ARHGEF3: variants seen among roughly 807,000 people sequenced by gnomAD.
ARHGEF3 encodes Rho guanine nucleotide exchange factor 3.
A neutral mutation model predicts 63.2 loss-of-function variants in ARHGEF3; 28 were observed. The observed-to-expected ratio is 0.44, with a 90% CI of 0.33 to 0.61. ARHGEF3 has a LOEUF of 0.61. ARHGEF3 is among the 20% of genes least tolerant of loss of function. The pLI, the probability that ARHGEF3 is intolerant of heterozygous loss-of-function variation, is 0.03. For missense variants in ARHGEF3, 533 were observed against 659.3 expected (o/e 0.81, Z 2.10); for synonymous variants, 266 against 254.2 (o/e 1.05, Z -0.44).
chr3:57,020,656 C>T lies in ARHGEF3; in HGVS notation c.62+14432G>A, dbSNP rs927416643. 7.9e-5 allele frequency among the ~76,000 whole-genome samples: 12 copies of T among 152,290 alleles called. No homozygotes were observed. In the South Asian group the frequency reaches 8.3e-4, roughly 11 times the overall value. On this transcript the variant is annotated intron_variant, in intron 2 of 12. Transcript: ENST00000338458. ...AGTTGGTGGTATCACAGGGAGGAAA[C>T]GTTCCTGAGAATGATTTCAACACAG...
intron 1 of ARHGEF3, among the ~76,000 whole-genome samples, chr3:56,777,016 TTTTG>T (rs1209149124): frequency 6.6e-6 from 1 of 152,240 alleles, no homozygotes; most frequent in Non-Finnish European, 1.5e-5. Flanking sequence ...CTTATAACAT[TTTTG>T]TTTCTCTTGT....
chr3:56,971,299 C>G (rs1037166613), intron 2 of ARHGEF3, among the ~76,000 whole-genome samples: 1 of 152,086 alleles, frequency 6.6e-6, no homozygotes, highest in Non-Finnish European at 1.5e-5. Context: ...GCAGGGACCC[C>G]GAAGCAAGCC....
chr3:57,038,750 C>T (rs1704060893), intron 1 of ARHGEF3, among the ~76,000 whole-genome samples: 1 of 152,166 alleles, frequency 6.6e-6, no homozygotes, highest in South Asian at 2.1e-4. Flanking sequence ...AGACCTATAC[C>T]ATTGTTGGTA....
chr3:56,882,306 T>C lies in ARHGEF3; in HGVS notation c.178A>G (p.Ser60Gly), dbSNP rs1462572382. ...ACTATACTTACACTTATGTCGAGAC[T>C]GCAAAGGCTAACAGCATCTTCATCT... Residue 60 changes from serine to glycine, a missense_variant, in exon 4 of 13, where the codon AGT (serine) becomes GGT (glycine). By Grantham distance (56) the Ser-to-Gly change is moderately conservative. Transcript: ENST00000338458. 2.6e-6 allele frequency: 4 copies of C among 1,551,776 alleles called. No homozygotes were observed. The African/African-American group carries it at 5.5e-5, about 21-fold the overall frequency.
intron 1 of ARHGEF3, among the ~76,000 whole-genome samples, chr3:57,077,681 C>T (rs998838620): frequency 2.6e-5 from 4 of 152,156 alleles, no homozygotes. Flanking sequence ...GTCAGACTGT[C>T]AGGAGACCCA....
At chr3:56,937,915 A>C (rs1434966314) in intron 3 of ARHGEF3, among the ~76,000 whole-genome samples, 1 of 152,128 alleles carries the variant, frequency 6.6e-6, no homozygotes, top group East Asian at 1.9e-4. Flanking sequence ...CTTAACACAA[A>C]TTTTCATCTG....
At position 56,891,368 on chromosome 3, in the gene ARHGEF3, T is replaced by C. The variant is rs80188863; in HGVS notation, c.130-9014A>G. 3.3e-3 allele frequency among the ~76,000 whole-genome samples: 503 copies of C among 151,768 alleles called. 3 individuals carry two copies. The highest frequency in any genetic ancestry group is 0.011 in the African/African-American group (465 of 41,342). On this transcript the variant is annotated intron_variant, in intron 3 of 12. Coordinates refer to the ARHGEF3 transcript ENST00000338458. ...TTTTTTTTTTTTTTCCTTTTCCTTA[T>C]TTTTAAAACATCCTCCTTTTTCTAG...
intron 8 of ARHGEF3, 46 bp downstream of exon 8, chr3:56,737,139 G>A: frequency 6.5e-7 from 1 of 1,530,282 alleles, no homozygotes; most frequent in East Asian, 2.3e-5. Flanking sequence ...AATGAATTAG[G>A]GATACGGGAG....
intron 3 of ARHGEF3, among the ~76,000 whole-genome samples, chr3:56,896,623 G>A (rs887513415): frequency 6.6e-6 from 1 of 152,098 alleles, no homozygotes; most frequent in South Asian, 2.1e-4. Context: ...AGTTCCCCAG[G>A]CTTTCTTTGT....
chr3:57,015,600 ATTTT>A (rs11290143), intron 2 of ARHGEF3, among the ~76,000 whole-genome samples: 2 of 129,246 alleles, frequency 1.5e-5, no homozygotes, highest in African/African-American at 2.9e-5. Context: ...CGCCCTGCTA[ATTTT>A]TTTTTTTTTT....
chr3:56,821,786 A>AGAC (rs2038502956), intron 4 of ARHGEF3, among the ~76,000 whole-genome samples: 1 of 152,152 alleles, frequency 6.6e-6, no homozygotes, highest in Non-Finnish European at 1.5e-5. Flanking sequence ...CAACATTGTG[A>AGAC]AACCTTGTCT....
Position 56,801,871 on chromosome 3 carries a change from G to T in ARHGEF3, c.-73C>A, listed in dbSNP as rs1346229900. The T allele has an allele frequency of 1.9e-6, 3 of 1,550,776 alleles. No individual in the cohort carries two copies. The South Asian group carries it at 3.6e-5, about 18-fold the overall frequency. Reference sequence around the variant, plus strand: ...GACTACAAAACTCCCAGGCAAAAGGGGGCCCCAGCTCCACGATGCCGGGCG... The same window carrying T: ...GACTACAAAACTCCCAGGCAAAAGGTGGCCCCAGCTCCACGATGCCGGGCG... On this transcript the variant is annotated 5_prime_UTR_variant, in exon 1 of 10. Coordinates refer to ENST00000296315, the MANE Select transcript of ARHGEF3 (RefSeq NM_019555.3).
rs1005950206 is a variant in ARHGEF3, at chr3:57,035,592, G to A, written c.-27-416C>T. Among the ~76,000 whole-genome samples the A allele has an allele frequency of 5.3e-5, 8 of 152,292 alleles. No homozygotes were observed. The South Asian group carries it at 6.2e-4, about 12-fold the overall frequency. ...TTAAACTCCTGACCTCAGGTGAGCC[G>A]CCCACCTCAACCTCCCAAAGTGCTG... On this transcript the variant is annotated intron_variant, in intron 1 of 12. Transcript: ENST00000338458.
At chr3:56,808,076 A>G (rs1364588628) in intron 4 of ARHGEF3, among the ~76,000 whole-genome samples, 1 of 151,548 alleles carries the variant, frequency 6.6e-6, no homozygotes, top group Admixed American at 6.6e-5. Flanking sequence ...GTGAGCCGAG[A>G]TCGTGCCACT....
At chr3:56,879,212 T>A (rs1270049743) in intron 4 of ARHGEF3, among the ~76,000 whole-genome samples, 1 of 152,116 alleles carries the variant, frequency 6.6e-6, no homozygotes, top group Non-Finnish European at 1.5e-5. Context: ...CCTGAAACCA[T>A]CCCCTACCCC....
At chr3:56,753,436 T>A (rs985944673) in intron 4 of ARHGEF3, 68 bp downstream of exon 4, 1 of 1,368,740 alleles carries the variant, frequency 7.3e-7, no homozygotes, top group Non-Finnish European at 1.0e-6. Flanking sequence ...AGCACCACTT[T>A]AGGGTTGTGA....
chr3:56,937,641 T>C (rs1388674081), intron 3 of ARHGEF3, among the ~76,000 whole-genome samples: 1 of 152,204 alleles, frequency 6.6e-6, no homozygotes, highest in Non-Finnish European at 1.5e-5. Context: ...TAATGCCTCC[T>C]CCCTGCTAGA....
chr3:56,937,292 A>G (rs1421215256), intron 3 of ARHGEF3, among the ~76,000 whole-genome samples: 3 of 152,350 alleles, frequency 2.0e-5, no homozygotes, highest in African/African-American at 4.8e-5. Context: ...TGATGATACT[A>G]TGATAATGTA....
intron 9 of ARHGEF3, among the ~76,000 whole-genome samples, chr3:56,731,252 C>T (rs1045708328): frequency 1.3e-5 from 2 of 152,124 alleles, no homozygotes; most frequent in South Asian, 2.1e-4. Flanking sequence ...AAACAGACCT[C>T]CAGGCTGGGC....
Sources: allele counts gnomAD v4.1 joint callset (sites outside exome capture counted in the v4.1 genomes callset), GRCh38; gene constraint gnomAD v4.1.1; transcripts MANE v1.5; gene names NCBI Gene and HGNC (gene_info 2026-07-23, HGNC 2026-07-21).